MCPH1: variants seen among roughly 807,000 people sequenced by gnomAD.
The protein encoded by MCPH1 is microcephalin.
Under a neutral mutation model 84.5 loss-of-function variants are expected in MCPH1, and 104 were observed. That is an observed-to-expected ratio of 1.23 (90% confidence interval 1.05 to 1.45). The LOEUF (loss-of-function observed/expected upper bound fraction) is 1.45, where lower values mean the gene tolerates loss of function less well. Among genes scored for constraint, MCPH1 ranks in the 40% most tolerant of loss-of-function variants. MCPH1 has a pLI of 0.00. For synonymous variants in MCPH1, 514 were observed against 366.8 expected (o/e 1.40, Z -4.58); for missense variants, 1,498 against 1,005.7 (o/e 1.49, Z -6.62).
chr8:6,488,159 C>T (rs942053997), intron 11 of MCPH1, among the ~76,000 whole-genome samples: 9 of 152,244 alleles, frequency 5.9e-5, no homozygotes, highest in Non-Finnish European at 1.0e-4. Flanking sequence ...GCTGCGGCAG[C>T]GTGGCCTCTG....
At chr8:6,460,467 C>T (rs954830230) in intron 9 of MCPH1, among the ~76,000 whole-genome samples, 5 of 152,142 alleles carry the variant, frequency 3.3e-5, no homozygotes, top group Admixed American at 6.5e-5. Flanking sequence ...CCTCCTACCT[C>T]GTCCTCCCAG....
In MCPH1 at chr8:6,621,592, C is replaced by CG. The variant is rs1219845168; in HGVS notation, c.2356dup (p.Val786GlyfsTer28). The CG allele has an allele frequency of 6.2e-7, 1 of 1,614,060 alleles. No individual in the cohort carries two copies. Among genetic ancestry groups the CG allele is most frequent in the Non-Finnish European group, 8.5e-7 (1 of 1,180,044 alleles). On this transcript the variant is annotated frameshift_variant, in exon 13 of 14. Coordinates refer to ENST00000344683, the MANE Select transcript of MCPH1 (RefSeq NM_024596.5). LOFTEE classifies it high-confidence loss of function. ...TGAACTAGTCCACCTGTGCGGAGGC[C>CG]GGGTCAGCCAAGTCCCCCGCCAGGC... is the stretch of plus-strand genomic sequence containing the variant.
At chr8:6,468,654 T>G (rs1033306090) in intron 9 of MCPH1, among the ~76,000 whole-genome samples, 6 of 151,888 alleles carry the variant, frequency 4.0e-5, no homozygotes, top group African/African-American at 1.4e-4. Context: ...TGGTTTTTTT[T>G]TTTTTTTGCT....
intron 8 of MCPH1, among the ~76,000 whole-genome samples, chr8:6,448,068 G>C (rs117680734): frequency 0.01 from 1,569 of 152,240 alleles, 11 homozygotes; most frequent in South Asian, 0.039. Context: ...CTTCAAGTTT[G>C]TGGGGACATA....
In MCPH1 at chr8:6,422,672, G is replaced by C. The variant is rs372372031; in HGVS notation, c.233+7789G>C. On this transcript the variant is annotated intron_variant, in intron 3 of 13. Transcript: ENST00000344683. ...CAGACCCCATAATACTTGTAACTTC[G>C]TTATCCAAAAGCAAAGTTTTCTTTT... 2.0e-5 allele frequency among the ~76,000 whole-genome samples: 3 copies of C among 152,134 alleles called. No individual in the cohort carries two copies. The East Asian group carries it at 5.8e-4, about 29-fold the overall frequency.
At chr8:6,604,232 C>G (rs1292286990) in intron 12 of MCPH1, among the ~76,000 whole-genome samples, 2 of 152,052 alleles carry the variant, frequency 1.3e-5, no homozygotes, top group Non-Finnish European at 2.9e-5. Context: ...GGAGCCATCC[C>G]AGACACAGCT....
chr8:6,511,259 C>G (rs1381357338), intron 12 of MCPH1, among the ~76,000 whole-genome samples: 1 of 150,698 alleles, frequency 6.6e-6, no homozygotes, highest in Admixed American at 6.6e-5. Context: ...TGGCCACGTT[C>G]TTGAAGTTGC....
At chr8:6,593,179 G>T (rs370167455) in intron 12 of MCPH1, among the ~76,000 whole-genome samples, 17 of 150,928 alleles carry the variant, frequency 1.1e-4, no homozygotes, top group African/African-American at 3.9e-4. Flanking sequence ...TACCTCCCGG[G>T]TTCAAGTGAT....
chr8:6,432,077 C>T (rs954162197), intron 4 of MCPH1, among the ~76,000 whole-genome samples: 5 of 152,192 alleles, frequency 3.3e-5, no homozygotes, highest in Non-Finnish European at 7.4e-5. Context: ...ATGCTCAAGT[C>T]CCTTATATAA....
At chr8:6,499,607 G>C in intron 11 of MCPH1, 1 of 406,828 alleles carries the variant, frequency 2.5e-6, no homozygotes, top group East Asian at 4.2e-5. Context: ...TTAAATATCT[G>C]ACCTCATGAG....
chr8:6,609,989 A>G (rs953382365), intron 12 of MCPH1, among the ~76,000 whole-genome samples: 7 of 152,202 alleles, frequency 4.6e-5, no homozygotes, highest in Admixed American at 2.0e-4. Flanking sequence ...ACATCTCAGT[A>G]TTAAAAGCAA....
At chr8:6,451,583 A>G (rs1805090669) in intron 8 of MCPH1, among the ~76,000 whole-genome samples, 1 of 152,212 alleles carries the variant, frequency 6.6e-6, no homozygotes, top group Non-Finnish European at 1.5e-5. Flanking sequence ...TTTTTTCAGA[A>G]TGAACAAAGT....
chr8:6,543,185 G>C (rs540580286), intron 12 of MCPH1, among the ~76,000 whole-genome samples: 1 of 152,162 alleles, frequency 6.6e-6, no homozygotes, highest in Admixed American at 6.5e-5. Flanking sequence ...CCAATGGATA[G>C]AATTTTTGAG....
At chr8:6,435,963 G>A in intron 4 of MCPH1, 85 bp from the exon 5 acceptor site, 1 of 1,501,516 alleles carries the variant, frequency 6.7e-7, no homozygotes, top group East Asian at 2.3e-5. Context: ...GTTATAAAAG[G>A]TATCAGAAAT....
chr8:6,629,515 C>G (rs865805405), intron 13 of MCPH1, among the ~76,000 whole-genome samples: 1 of 152,070 alleles, frequency 6.6e-6, no homozygotes, highest in African/African-American at 2.4e-5. Flanking sequence ...GATATTTTTG[C>G]ACAGAGAAGA....
intron 12 of MCPH1, among the ~76,000 whole-genome samples, chr8:6,577,123 G>GT (rs1827190869): frequency 6.6e-6 from 1 of 152,186 alleles, no homozygotes; most frequent in Admixed American, 6.5e-5. Context: ...CAGGAGGCCA[G>GT]GGTGCTGTGA....
At chr8:6,411,416 C>T (rs1394719636) in intron 2 of MCPH1, among the ~76,000 whole-genome samples, 1 of 152,146 alleles carries the variant, frequency 6.6e-6, no homozygotes, top group East Asian at 1.9e-4. Context: ...TTAAATTTGG[C>T]AGAACTAATT....
chr8:6,605,297 C>G (rs1378036441), intron 12 of MCPH1, among the ~76,000 whole-genome samples: 1 of 152,172 alleles, frequency 6.6e-6, no homozygotes, highest in African/African-American at 2.4e-5. Context: ...TCCTCCCTGC[C>G]TGTACTCCTG....
intron 12 of MCPH1, among the ~76,000 whole-genome samples, chr8:6,611,183 T>C (rs1830232837): frequency 6.6e-6 from 1 of 151,954 alleles, no homozygotes; most frequent in Admixed American, 6.6e-5. Context: ...ATGTATGGGT[T>C]TTTTTCATGC....
Sources: gnomAD v4.1 joint callset for allele counts (sites outside exome capture counted in the v4.1 genomes callset) on GRCh38, gnomAD v4.1.1 for gene constraint, MANE v1.5 for transcripts, NCBI Gene and HGNC (gene_info 2026-07-23, HGNC 2026-07-21) for gene names.